Variants in MAGI1 observed in about 807,000 individuals in gnomAD.
MAGI1 encodes the protein membrane associated guanylate kinase, WW and PDZ domain containing 1.
In MAGI1, 58 loss-of-function variants were observed where a neutral mutation model predicts 139.9. The ratio of observed to expected loss-of-function variants is 0.41; its 90% CI spans 0.34 to 0.52. The LOEUF (loss-of-function observed/expected upper bound fraction) is 0.52, where lower values mean the gene tolerates loss of function less well. MAGI1 is among the 20% of genes least tolerant of loss of function. MAGI1 has a pLI of 0.12. For synonymous variants in MAGI1, 812 were observed against 737.9 expected (o/e 1.10, Z -1.63); for missense variants, 1,874 against 1,901.6 (o/e 0.99, Z 0.27).
At chr3:65,436,466 T>C (rs1220514014) in intron 10 of MAGI1, among the ~76,000 whole-genome samples, 1 of 152,128 alleles carries the variant, frequency 6.6e-6, no homozygotes, top group Non-Finnish European at 1.5e-5. Context: ...AAAGGCCTCA[T>C]CCTATGTGTG....
At position 65,356,805 on chromosome 3, in the gene MAGI1, C is replaced by T; in HGVS notation, c.3962G>A (p.Arg1321Gln). 6.2e-7 allele frequency: 1 copy of T among 1,611,314 alleles called. No homozygotes were observed. The change falls in exon 23 of 23, where the codon CGG (arginine) becomes CAG (glutamine). Residue 1321 changes from arginine to glutamine, a missense_variant. Physicochemically the swap from Arg to Gln is conservative, Grantham distance 43 (BLOSUM62 1). This residue lies in a region of MAGI1 where 653 missense variants were observed against 644.5 expected (regional missense o/e 1.01). Transcript: ENST00000402939. ...GCCCTCCCTCCGCTTCTCTGGGGAC[C>T]GCCTCTTGGGGCCGTTGGCGGCTGC... is the stretch of plus-strand genomic sequence containing the variant. ...RAAAANGPKR[R>Q]SPEKRREGTR...
intron 1 of MAGI1, among the ~76,000 whole-genome samples, chr3:65,991,964 G>A (rs375700132): frequency 5.7e-4 from 86 of 152,120 alleles, no homozygotes; most frequent in African/African-American, 1.8e-3. Context: ...GCAGTGAGCC[G>A]AGATCGCACC....
intron 1 of MAGI1, among the ~76,000 whole-genome samples, chr3:65,746,413 T>C (rs1412656427): frequency 3.3e-5 from 5 of 152,146 alleles, no homozygotes; most frequent in African/African-American, 9.7e-5. Flanking sequence ...GATGATAAAT[T>C]CTCCTATATA....
At chr3:65,500,254 T>C (rs1411678280) in intron 2 of MAGI1, among the ~76,000 whole-genome samples, 1 of 152,184 alleles carries the variant, frequency 6.6e-6, no homozygotes, top group Non-Finnish European at 1.5e-5. Context: ...GGGTCCTTTT[T>C]AAGTATTTAA....
At chr3:65,754,771 A>T (rs995811507) in intron 1 of MAGI1, among the ~76,000 whole-genome samples, 4 of 152,154 alleles carry the variant, frequency 2.6e-5, no homozygotes, top group Admixed American at 2.6e-4. Context: ...TTAGCCAACC[A>T]GTTTGGATTA....
intron 1 of MAGI1, among the ~76,000 whole-genome samples, chr3:65,708,214 C>T (rs2107638479): frequency 6.6e-6 from 1 of 152,272 alleles, no homozygotes; most frequent in Admixed American, 6.5e-5. Flanking sequence ...CTTTTCCCCC[C>T]TTTTAAAGAA....
intron 1 of MAGI1, among the ~76,000 whole-genome samples, chr3:65,754,958 AT>A (rs11352075): frequency 0.094 from 13,909 of 147,996 alleles, 747 homozygotes; most frequent in Non-Finnish European, 0.13. Flanking sequence ...TATTTTTTAA[AT>A]TTTTTTTTTT....
At chr3:65,634,971 G>A (rs1559740828) in intron 1 of MAGI1, among the ~76,000 whole-genome samples, 1 of 152,150 alleles carries the variant, frequency 6.6e-6, no homozygotes. Flanking sequence ...CAGATGGCAT[G>A]GGTGTAGCAA....
At chr3:65,466,344 G>C (rs539602721) in intron 5 of MAGI1, among the ~76,000 whole-genome samples, 1 of 152,102 alleles carries the variant, frequency 6.6e-6, no homozygotes, top group Non-Finnish European at 1.5e-5. Flanking sequence ...ACATTATAGG[G>C]GTCTGGATCT....
chr3:65,459,163 T>C (rs1949607085), intron 5 of MAGI1, among the ~76,000 whole-genome samples: 3 of 152,336 alleles, frequency 2.0e-5, no homozygotes, highest in South Asian at 2.1e-4. Context: ...GGTCTATGTG[T>C]CTGCTTTTAT....
intron 13 of MAGI1, among the ~76,000 whole-genome samples, chr3:65,395,666 G>A (rs1944335686): frequency 1.5e-5 from 1 of 67,934 alleles, no homozygotes; most frequent in African/African-American, 5.0e-5. Flanking sequence ...AAGAGGGTGT[G>A]CTAAGTGGAC....
At chr3:65,522,105 C>T (rs759349310) in intron 2 of MAGI1, among the ~76,000 whole-genome samples, 3 of 152,168 alleles carry the variant, frequency 2.0e-5, no homozygotes, top group Non-Finnish European at 4.4e-5. Flanking sequence ...GCAGTATTTT[C>T]TGCCACAACA....
intron 2 of MAGI1, among the ~76,000 whole-genome samples, chr3:65,621,578 T>C (rs1454375114): frequency 6.6e-6 from 1 of 152,220 alleles, no homozygotes; most frequent in Non-Finnish European, 1.5e-5. Flanking sequence ...CGAAGGCCGC[T>C]GGCCAGGTCT....
chr3:65,867,094 A>T (rs1177694666), intron 1 of MAGI1, among the ~76,000 whole-genome samples: 1 of 152,202 alleles, frequency 6.6e-6, no homozygotes, highest in Non-Finnish European at 1.5e-5. Context: ...TGGAAATTGG[A>T]GACCATTAAG....
At chr3:65,458,510 C>G (rs2107523952) in intron 5 of MAGI1, among the ~76,000 whole-genome samples, 1 of 152,166 alleles carries the variant, frequency 6.6e-6, no homozygotes, top group South Asian at 2.1e-4. Context: ...CCCATTTTAA[C>G]TGGGGTAAGA....
At chr3:65,811,908 TAA>T (rs2041257078) in intron 1 of MAGI1, among the ~76,000 whole-genome samples, 1 of 146,136 alleles carries the variant, frequency 6.8e-6, no homozygotes, top group African/African-American at 2.6e-5. Flanking sequence ...TGAGAATTTT[TAA>T]ATCTTTTGTA....
chr3:65,574,689 A>C (rs916154997), intron 2 of MAGI1, among the ~76,000 whole-genome samples: 1 of 152,078 alleles, frequency 6.6e-6, no homozygotes, highest in African/African-American at 2.4e-5. Flanking sequence ...TGGAAAACTA[A>C]TAGTACCTAA....
Position 65,356,617 on chromosome 3 carries a change from G to A in MAGI1, c.4150C>T (p.Pro1384Ser). ...GGCGAGCCCCCTCTCCTGCGCTCGG[G>A]GGACCTCCTCTGCTCCAGGAGTCTC... ...LERLLEQRRS[P>S]ERRRGGSPER... is the part of the protein sequence containing the mutation. Residue 1384 changes from proline to serine, a missense_variant, in exon 23 of 23, where the codon CCC becomes TCC. Physicochemically the swap from Pro to Ser is moderately conservative, Grantham distance 74. Coordinates refer to ENST00000402939, the MANE Select transcript of MAGI1 (RefSeq NM_001033057.2). The A allele has an allele frequency of 6.3e-7, 1 of 1,594,244 alleles. No individual in the cohort carries two copies. The highest frequency in any genetic ancestry group is 1.1e-5 in the South Asian group (1 of 89,200).
intron 1 of MAGI1, among the ~76,000 whole-genome samples, chr3:65,996,698 G>A (rs778762964): frequency 3.9e-5 from 6 of 152,182 alleles, no homozygotes; most frequent in South Asian, 2.1e-4. Flanking sequence ...TTCTGAGCCC[G>A]GAGCTCTCTG....
Sources: gnomAD v4.1 joint callset for allele counts (sites outside exome capture counted in the v4.1 genomes callset) on GRCh38, gnomAD v4.1.1 for gene constraint, gnomAD v4.1.1 regional missense constraint, MANE v1.5 for transcripts, NCBI Gene and HGNC (gene_info 2026-07-23, HGNC 2026-07-21) for gene names.